DPP6: variants seen among roughly 807,000 people sequenced by gnomAD.
DPP6 encodes dipeptidyl peptidase like 6.
DPP6 carries 69 observed loss-of-function variants against 122.6 expected under a neutral mutation model. The observed-to-expected ratio is 0.56, with a 90% CI of 0.46 to 0.69. The LOEUF (loss-of-function observed/expected upper bound fraction) is 0.69. DPP6 is among the 30% of genes least tolerant of loss of function. The pLI, the probability that DPP6 is intolerant of heterozygous loss-of-function variation, is 0.00. For synonymous variants in DPP6, 418 were observed against 433.1 expected, an observed-to-expected ratio of 0.97 and a Z score of 0.43; for missense variants, 928 against 1,116.9, an observed-to-expected ratio of 0.83 and a Z score of 2.41.
intron 1 of DPP6, among the ~76,000 whole-genome samples, chr7:154,422,722 T>G (rs1817577453): frequency 3.6e-5 from 4 of 112,244 alleles, no homozygotes; most frequent in Admixed American, 1.2e-4. Flanking sequence ...GATGGGTGAG[T>G]GGATGAAAGG....
chr7:154,193,364 A>G (rs1481772339), intron 1 of DPP6, among the ~76,000 whole-genome samples: 1 of 152,228 alleles, frequency 6.6e-6, no homozygotes, highest in Admixed American at 6.5e-5. Flanking sequence ...AGATGATCTT[A>G]TACTCATATT....
chr7:153,829,060 G>A, the DPP6 span, among the ~76,000 whole-genome samples: 3 of 152,142 alleles, frequency 2.0e-5, no homozygotes, highest in East Asian at 1.9e-4. Context: ...TTGCATCTGC[G>A]TAGCTAGTTA....
At chr7:154,085,411 T>G in intron 1 of DPP6, among the ~76,000 whole-genome samples, 1 of 152,254 alleles carries the variant, frequency 6.6e-6, no homozygotes, top group Non-Finnish European at 1.5e-5. Context: ...TAAATAGTGA[T>G]GAGTCATTAA....
intron 3 of DPP6, among the ~76,000 whole-genome samples, chr7:154,485,795 AT>A (rs111808958): frequency 1.9e-4 from 28 of 150,830 alleles, no homozygotes; most frequent in South Asian, 1.3e-3. Context: ...GGAGGCAGGA[AT>A]TTTTTTTTTA....
intron 17 of DPP6, among the ~76,000 whole-genome samples, chr7:154,860,639 A>G (rs911098973): frequency 6.6e-6 from 1 of 152,174 alleles, no homozygotes; most frequent in Non-Finnish European, 1.5e-5. Context: ...ATCATACAGA[A>G]TCCTACAGCC....
At chr7:154,296,508 G>A (rs2150972335) in intron 1 of DPP6, among the ~76,000 whole-genome samples, 1 of 152,308 alleles carries the variant, frequency 6.6e-6, no homozygotes, top group African/African-American at 2.4e-5. Flanking sequence ...CCAGGCAGCT[G>A]GACACATGGG....
the DPP6 span, among the ~76,000 whole-genome samples, chr7:153,865,466 C>T: frequency 4.6e-5 from 7 of 151,994 alleles, no homozygotes; most frequent in African/African-American, 9.7e-5. Flanking sequence ...TTTGTAATAT[C>T]GTTGTCACCT....
At chr7:154,841,426 G>C (rs1375073481) in intron 16 of DPP6, among the ~76,000 whole-genome samples, 1 of 151,626 alleles carries the variant, frequency 6.6e-6, no homozygotes, top group Non-Finnish European at 1.5e-5. Context: ...TTCATACTTG[G>C]AATTCTGTGA....
chr7:154,490,424 G>A (rs566672164), intron 3 of DPP6, among the ~76,000 whole-genome samples: 2 of 152,342 alleles, frequency 1.3e-5, no homozygotes, highest in African/African-American at 4.8e-5. Context: ...CATCCTGAAG[G>A]TCACAGCAGA....
In DPP6 at chr7:153,921,305, A is replaced by G. The variant is rs1307665313; in HGVS notation, c.51+33571A>G. ...TAGGGTTCTGGAATTGATTGTTATC[A>G]CAGCATAACTCAGCCCAGCCTGACT... is the stretch of plus-strand genomic sequence containing the variant. On this transcript the variant is annotated intron_variant, in intron 1 of 25. Transcript: ENST00000404039. Among the ~76,000 whole-genome samples the G allele has an allele frequency of 2.0e-5, 3 of 152,374 alleles. No homozygotes were observed. In the East Asian group the frequency reaches 5.8e-4, roughly 29 times the overall value.
At chr7:154,520,680 A>G (rs1003130413) in intron 3 of DPP6, among the ~76,000 whole-genome samples, 1 of 152,230 alleles carries the variant, frequency 6.6e-6, no homozygotes, top group South Asian at 2.1e-4. Context: ...TCCATTGGAA[A>G]TGCTGAAATG....
chr7:154,403,766 A>G lies in DPP6; in HGVS notation c.244-42448A>G, dbSNP rs182063626. 5.3e-3 allele frequency among the ~76,000 whole-genome samples: 800 copies of G among 152,266 alleles called. 3 individuals are homozygous for G. The highest frequency in any genetic ancestry group is 8.4e-3 in the Non-Finnish European group (569 of 68,018). ...AGCTGAGTTCCCCTTCCTGTTTTACACTTCTGGTCTTTTGGTTCTCAATAC... is the reference window on the plus strand; with the variant it reads ...AGCTGAGTTCCCCTTCCTGTTTTACGCTTCTGGTCTTTTGGTTCTCAATAC... On this transcript the variant is annotated intron_variant, in intron 1 of 25. Transcript: ENST00000377770. The surrounding 1 kb of genome is among the most constrained non-coding windows in gnomAD (Gnocchi z 4.1).
chr7:154,696,285 G>A (rs994016672), intron 7 of DPP6, among the ~76,000 whole-genome samples: 3 of 152,162 alleles, frequency 2.0e-5, no homozygotes, highest in Non-Finnish European at 4.4e-5. Flanking sequence ...GTACCCCTGG[G>A]GTGATGAGGA....
chr7:154,310,757 A>G (rs960448890), intron 1 of DPP6, among the ~76,000 whole-genome samples: 2 of 152,194 alleles, frequency 1.3e-5, no homozygotes, highest in African/African-American at 2.4e-5. Context: ...TAAGATGCTA[A>G]TCACTTAGAG....
At chr7:154,242,040 G>T (rs954635079) in intron 1 of DPP6, among the ~76,000 whole-genome samples, 1 of 152,224 alleles carries the variant, frequency 6.6e-6, no homozygotes, top group Middle Eastern at 3.2e-3. Context: ...AGGTTCAGAA[G>T]TCACTCTTGG....
At chr7:154,211,502 G>A (rs971016495) in intron 1 of DPP6, among the ~76,000 whole-genome samples, 14 of 152,206 alleles carry the variant, frequency 9.2e-5, no homozygotes, top group African/African-American at 3.1e-4. Context: ...TGTAATGCTA[G>A]GATCAGCCAA....
chr7:154,655,647 C>T (rs537089981), intron 6 of DPP6, among the ~76,000 whole-genome samples: 13 of 152,306 alleles, frequency 8.5e-5, no homozygotes, highest in African/African-American at 2.4e-4. Context: ...CAGCAGAATC[C>T]GGGACATGCT....
At chr7:154,151,351 C>G (rs1414551727) in intron 1 of DPP6, among the ~76,000 whole-genome samples, 1 of 152,230 alleles carries the variant, frequency 6.6e-6, no homozygotes, top group Non-Finnish European at 1.5e-5. Flanking sequence ...GCCCTTCACC[C>G]TGTCCCCAGA....
intron 18 of DPP6, among the ~76,000 whole-genome samples, chr7:154,870,038 G>T (rs1804256109): frequency 6.6e-6 from 1 of 151,836 alleles, no homozygotes; most frequent in Non-Finnish European, 1.5e-5. Flanking sequence ...AGAATGCAGT[G>T]GTACGATCTT....
Sources: gnomAD v4.1 joint callset for allele counts (sites outside exome capture counted in the v4.1 genomes callset) on GRCh38, gnomAD v4.1.1 for gene constraint, Gnocchi (gnomAD v3.1) non-coding constraint, MANE v1.5 for transcripts, NCBI Gene and HGNC (gene_info 2026-07-23, HGNC 2026-07-21) for gene names.